DAB1: variants seen among roughly 807,000 people sequenced by gnomAD.
DAB1 encodes the protein DAB adaptor protein 1, also known as disabled homolog 1.
In DAB1, 15 loss-of-function variants were observed where a neutral mutation model predicts 64.6. The observed-to-expected ratio is 0.23, with a 90% CI of 0.16 to 0.36. The LOEUF is 0.36. DAB1 is among the 10% of genes least tolerant of loss of function. The pLI is 1.00. For missense variants in DAB1, 596 were observed against 706.7 expected, an observed-to-expected ratio of 0.84 and a Z score of 1.78; for synonymous variants, 235 against 251.9, an observed-to-expected ratio of 0.93 and a Z score of 0.64.
intron 7 of DAB1, among the ~76,000 whole-genome samples, chr1:57,536,052 C>T (rs1644723667): frequency 6.6e-6 from 1 of 152,128 alleles, no homozygotes; most frequent in South Asian, 2.1e-4. Flanking sequence ...GTTTGCCTTC[C>T]CGGCTAGATT....
chr1:57,347,389 G>A (rs752968727), intron 1 of DAB1, among the ~76,000 whole-genome samples: 18 of 152,190 alleles, frequency 1.2e-4, no homozygotes, highest in Admixed American at 3.9e-4. Context: ...TTAAGGGGTG[G>A]TATTACAGGA....
Position 58,180,218 on chromosome 1 carries a change from G to GT in DAB1, n.310-29631dup, listed in dbSNP as rs534636416. On this transcript the variant is annotated intron_variant and non_coding_transcript_variant, in intron 4 of 20. Transcript: ENST00000485760. Reference sequence around the variant, plus strand: ...GGTTTGAATTGCTATTATTTTTCTAGTTTTTTTAAGTGGAAACACAGGTCA... The same window carrying GT: ...GGTTTGAATTGCTATTATTTTTCTAGTTTTTTTTAAGTGGAAACACAGGTCA... Among the ~76,000 whole-genome samples the GT allele has an allele frequency of 2.9e-3, 369 of 128,870 alleles. 1 individual carries two copies. Among genetic ancestry groups the GT allele is most frequent in the African/African-American group, 0.011 (353 of 33,378 alleles). 84.5% of individuals were successfully genotyped at this position (128,870 alleles called of 152,430 possible).
intron 2 of DAB1, among the ~76,000 whole-genome samples, chr1:58,511,618 G>C (rs780126770): frequency 2.0e-5 from 3 of 151,982 alleles, no homozygotes; most frequent in Non-Finnish European, 4.4e-5. Flanking sequence ...AACAGAGCAA[G>C]ACCCTGTCTC....
At chr1:57,858,017 A>G (rs1194408210) in intron 1 of DAB1, among the ~76,000 whole-genome samples, 1 of 151,948 alleles carries the variant, frequency 6.6e-6, no homozygotes, top group Non-Finnish European at 1.5e-5. Context: ...TAATAGTGAG[A>G]GAACAAGATC....
chr1:58,000,223 T>A (rs1293516574), intron 5 of DAB1, among the ~76,000 whole-genome samples: 1 of 152,198 alleles, frequency 6.6e-6, no homozygotes, highest in African/African-American at 2.4e-5. Flanking sequence ...CAGTGTATCA[T>A]ACTTAGTGCA....
At chr1:58,228,300 T>C (rs1473918515) in intron 4 of DAB1, among the ~76,000 whole-genome samples, 2 of 152,176 alleles carry the variant, frequency 1.3e-5, no homozygotes, top group Non-Finnish European at 1.5e-5. Flanking sequence ...TGTTAGGTAA[T>C]AAATGTGGAA....
intron 1 of DAB1, among the ~76,000 whole-genome samples, chr1:57,407,495 G>A (rs1005274865): frequency 6.6e-6 from 1 of 152,150 alleles, no homozygotes; most frequent in Non-Finnish European, 1.5e-5. Flanking sequence ...TGAAGATAAA[G>A]GCTGAAGGAG....
chr1:57,771,946 A>C (rs567270156), intron 6 of DAB1, among the ~76,000 whole-genome samples: 7 of 152,160 alleles, frequency 4.6e-5, no homozygotes, highest in Admixed American at 2.6e-4. Flanking sequence ...ATTTCTTTTT[A>C]TTATTGCTAT....
intron 3 of DAB1, among the ~76,000 whole-genome samples, chr1:58,453,557 G>T (rs706455): frequency 1 from 151,609 of 152,242 alleles, 75,496 homozygotes; most frequent in Middle Eastern, 1. Flanking sequence ...AATCTCACTG[G>T]CCCAGGTGGC....
intron 6 of DAB1, among the ~76,000 whole-genome samples, chr1:57,727,678 T>A (rs995375715): frequency 1.3e-5 from 2 of 149,676 alleles, no homozygotes. Context: ...CTCTTTCTCC[T>A]TTCTCTCTTT....
chr1:57,726,938 A>C (rs1647219984), intron 6 of DAB1, among the ~76,000 whole-genome samples: 1 of 152,218 alleles, frequency 6.6e-6, no homozygotes, highest in African/African-American at 2.4e-5. Context: ...ATAAGCTAAA[A>C]ATGGATAGTG....
intron 7 of DAB1, among the ~76,000 whole-genome samples, chr1:57,612,611 A>G (rs1218277002): frequency 6.6e-6 from 1 of 152,152 alleles, no homozygotes; most frequent in African/African-American, 2.4e-5. Context: ...AAAAGGTAAC[A>G]AAGTGGATTC....
intron 4 of DAB1, among the ~76,000 whole-genome samples, chr1:57,078,386 T>C (rs1233499786): frequency 6.6e-6 from 1 of 152,212 alleles, no homozygotes; most frequent in Non-Finnish European, 1.5e-5. Flanking sequence ...TCTAACTTTC[T>C]GAGACTTCTT....
chr1:57,190,695 G>A (rs1415896474), intron 2 of DAB1, among the ~76,000 whole-genome samples: 1 of 152,098 alleles, frequency 6.6e-6, no homozygotes, highest in Non-Finnish European at 1.5e-5. Flanking sequence ...GAAATGCACA[G>A]AGGAATGCAG....
chr1:58,247,255 AT>A (rs1225168287), intron 4 of DAB1, among the ~76,000 whole-genome samples: 127 of 103,568 alleles, frequency 1.2e-3, no homozygotes, highest in Non-Finnish European at 1.6e-3. Context: ...TTCATTTTTC[AT>A]TTCCCCCCCC....
chr1:58,177,237 T>A (rs1207081780), intron 4 of DAB1, among the ~76,000 whole-genome samples: 3 of 152,198 alleles, frequency 2.0e-5, no homozygotes, highest in African/African-American at 7.2e-5. Context: ...GCACCAGAGC[T>A]GCCCACTGTG....
Position 57,753,264 on chromosome 1 carries a change from C to T in DAB1, n.552-103599G>A, listed in dbSNP as rs79662781. Among the ~76,000 whole-genome samples the T allele has an allele frequency of 4.5e-3, 688 of 152,262 alleles. 7 individuals are homozygous for T. Among genetic ancestry groups the T allele is most frequent in the African/African-American group, 0.016 (656 of 41,530 alleles). On this transcript the variant is annotated intron_variant and non_coding_transcript_variant, in intron 6 of 20. Coordinates refer to the DAB1 transcript ENST00000485760. ...ACTGCCTCATTTATAGGGGTCGAAG[C>T]GCTGACTGATGGGTGGTTGGAAATG...
chr1:57,821,911 A>G (rs1339853271), downstream of DAB1, among the ~76,000 whole-genome samples: 4 of 152,338 alleles, frequency 2.6e-5, no homozygotes, highest in East Asian at 7.7e-4. Flanking sequence ...ATTAATAACT[A>G]TGATCTCATT....
chr1:58,456,492 G>A (rs1645194217), intron 3 of DAB1, among the ~76,000 whole-genome samples: 1 of 152,184 alleles, frequency 6.6e-6, no homozygotes, highest in South Asian at 2.1e-4. Context: ...GAGTGGAATG[G>A]AGGCATGGAC....
Sources: gnomAD v4.1 joint callset for allele counts (sites outside exome capture counted in the v4.1 genomes callset) on GRCh38, gnomAD v4.1.1 for gene constraint, MANE v1.5 for transcripts, NCBI Gene and HGNC (gene_info 2026-07-23, HGNC 2026-07-21) for gene names.